The following CCDC15 variants were observed in gnomAD, a reference collection of about 807,000 sequenced individuals.
CCDC15 encodes the protein coiled-coil domain containing 15, also known as coiled-coil domain-containing protein 15.
In CCDC15, 105 loss-of-function variants were observed where a neutral mutation model predicts 114.5. The observed-to-expected ratio is 0.92, with a 90% confidence interval of 0.78 to 1.08. The LOEUF (loss-of-function observed/expected upper bound fraction) is 1.08. CCDC15 is among the 50% of genes least tolerant of loss of function. The pLI, the probability that CCDC15 is intolerant of heterozygous loss-of-function variation, is 0.00. For synonymous variants in CCDC15, 334 were observed against 377.8 expected (o/e 0.88, Z 1.34); for missense variants, 1,105 against 1,093.6 (o/e 1.01, Z -0.15).
At chr11:125,027,586 A>G (rs987085270) in intron 13 of CCDC15, among the ~76,000 whole-genome samples, 1 of 147,152 alleles carries the variant, frequency 6.8e-6, no homozygotes, top group African/African-American at 2.5e-5. Flanking sequence ...TGATGGGATT[A>G]TTTGTTTTTT....
intron 4 of CCDC15, among the ~76,000 whole-genome samples, chr11:124,972,661 C>T (rs1947905594): frequency 1.3e-5 from 2 of 152,168 alleles, no homozygotes; most frequent in African/African-American, 2.4e-5. Flanking sequence ...CCAGAATCCA[C>T]TTCACTAAAC....
At chr11:125,025,045 A>AAT (rs369930609) in intron 13 of CCDC15, among the ~76,000 whole-genome samples, 76 of 103,140 alleles carry the variant, frequency 7.4e-4, no homozygotes, top group South Asian at 2.2e-3. Flanking sequence ...AATACATATG[A>AAT]ATATATATGA....
chr11:125,021,681 T>C (rs1948661339), intron 13 of CCDC15, among the ~76,000 whole-genome samples: 1 of 151,486 alleles, frequency 6.6e-6, no homozygotes, highest in African/African-American at 2.4e-5. Context: ...AAGAGAGGAG[T>C]ATCTGTGAGG....
intron 4 of CCDC15, among the ~76,000 whole-genome samples, chr11:124,969,639 G>A (rs1947847147): frequency 6.6e-6 from 1 of 151,926 alleles, no homozygotes; most frequent in African/African-American, 2.4e-5. Context: ...ATTACTTTTT[G>A]TAGTAAAGCT....
In CCDC15 at chr11:124,988,127, A is replaced by G. The variant is rs201316378; in HGVS notation, c.1901A>G (p.Lys634Arg). 7.8e-4 allele frequency: 1,260 copies of G among 1,610,558 alleles called. No homozygotes were observed. The highest frequency in any genetic ancestry group is 9.6e-4 in the Non-Finnish European group (1,137 of 1,178,630). ...TGTCAGGACCAAGATTTTCTACCAA[A>G]ATATCAGGTAAAATAGAGCAGAAAG... Reference protein sequence around the residue: ...PKCQDQDFLPKYQKVHFKEPY... With the variant: ...PKCQDQDFLPRYQKVHFKEPY... The change falls in exon 8 of 16, where the codon AAA (lysine) becomes AGA (arginine). Residue 634 changes from lysine (K) to arginine (R), a missense_variant. Coordinates refer to ENST00000344762, the MANE Select transcript of CCDC15 (RefSeq NM_025004.3).
chr11:124,954,841 G>C lies in CCDC15; in HGVS notation c.109G>C (p.Glu37Gln), dbSNP rs150869063. ...DVLAVLAERN[E>Q]AIVPVGAWVE... ...GTTGGCAGTGCTGGCTGAGAGGAACGAGGCTATAGTACCAGTTGGGGCATG... is the reference window on the plus strand; with the variant it reads ...GTTGGCAGTGCTGGCTGAGAGGAACCAGGCTATAGTACCAGTTGGGGCATG... The change falls in exon 2 of 16, where the codon GAG becomes CAG. Residue 37 changes from glutamate (E) to glutamine (Q), a missense_variant. Coordinates refer to ENST00000344762, the MANE Select transcript of CCDC15 (RefSeq NM_025004.3). 1.9e-6 allele frequency: 3 copies of C among 1,613,938 alleles called. No homozygotes were observed. The highest frequency in any genetic ancestry group is 2.5e-6 in the Non-Finnish European group (3 of 1,179,898).
chr11:125,027,509 A>T (rs1202573810), intron 13 of CCDC15, among the ~76,000 whole-genome samples: 7 of 151,638 alleles, frequency 4.6e-5, no homozygotes, highest in Non-Finnish European at 1.0e-4. Flanking sequence ...GCATTTTTTC[A>T]TATGTTTGTT....
In CCDC15 at chr11:124,991,569, G is replaced by T; in HGVS notation, c.2017G>T (p.Asp673Tyr). 6.2e-7 allele frequency: 1 copy of T among 1,605,524 alleles called. No homozygotes were observed. The highest frequency in any genetic ancestry group is 8.5e-7 in the Non-Finnish European group (1 of 1,175,332). The change falls in exon 9 of 16, where the codon GAC (aspartate) becomes TAC (tyrosine). Residue 673 changes from aspartate (D) to tyrosine (Y), a missense_variant. Transcript: ENST00000344762. ...GCCTCCCAAATCCCAGGACCAGGAT[G>T]ACATCAAAAATCAGGTAGAGTAGAA... Reference protein sequence around the residue: ...CLPPKSQDQDDIKNQQPASFM... With the variant: ...CLPPKSQDQDYIKNQQPASFM...
At chr11:125,005,746 T>G (rs548184937) in intron 13 of CCDC15, among the ~76,000 whole-genome samples, 1 of 152,308 alleles carries the variant, frequency 6.6e-6, no homozygotes, top group East Asian at 1.9e-4. Flanking sequence ...TGGTAACCAC[T>G]GAACTCTCTA....
chr11:124,963,724 G>A (rs1375933736), intron 4 of CCDC15, among the ~76,000 whole-genome samples: 3 of 152,280 alleles, frequency 2.0e-5, no homozygotes, highest in South Asian at 2.1e-4. Flanking sequence ...GCCCATGCCT[G>A]TGTCCTGAAT....
chr11:125,021,723 T>C (rs1165259261), intron 13 of CCDC15, among the ~76,000 whole-genome samples: 1 of 151,850 alleles, frequency 6.6e-6, no homozygotes, highest in Non-Finnish European at 1.5e-5. Context: ...GGGACGGGGC[T>C]GACTCCGTCT....
At chr11:124,966,262 T>A (rs952380092) in intron 4 of CCDC15, among the ~76,000 whole-genome samples, 1 of 152,178 alleles carries the variant, frequency 6.6e-6, no homozygotes, top group Non-Finnish European at 1.5e-5. Context: ...CCCATTATTA[T>A]TGTGTGGGAG....
At chr11:124,973,699 C>T (rs1947924469) in intron 4 of CCDC15, among the ~76,000 whole-genome samples, 1 of 152,062 alleles carries the variant, frequency 6.6e-6, no homozygotes, top group South Asian at 2.1e-4. Flanking sequence ...TCTTGGCTCA[C>T]TGCAGCCTTG....
intron 12 of CCDC15, among the ~76,000 whole-genome samples, chr11:125,004,870 C>T (rs1378490578): frequency 1.3e-5 from 2 of 152,048 alleles, no homozygotes; most frequent in East Asian, 3.9e-4. Context: ...AGAGTAAATA[C>T]TTTCTCTGGT....
At chr11:124,983,778 G>A (rs1411205504) in intron 6 of CCDC15, among the ~76,000 whole-genome samples, 7 of 152,206 alleles carry the variant, frequency 4.6e-5, no homozygotes, top group African/African-American at 7.2e-5. Flanking sequence ...CAGTGGCAGC[G>A]TGGCAGGGTA....
rs138568695 is a variant in CCDC15, at chr11:125,009,851, T to C, written c.2411+4639T>C. Among the ~76,000 whole-genome samples, 10 of 152,346 alleles carry C rather than the reference T, an allele frequency of 6.6e-5. No individual in the cohort carries two copies. In the East Asian group the frequency reaches 1.9e-3, roughly 29 times the overall value. On this transcript the variant is annotated intron_variant, in intron 13 of 15. Transcript: ENST00000344762. ...ACATGATTTCATTCTTTTATATGGT[T>C]GCATAGTCTTCTATGGTGTATACAT...
At chr11:124,958,245 G>C (rs1947583137) in intron 2 of CCDC15, among the ~76,000 whole-genome samples, 1 of 152,180 alleles carries the variant, frequency 6.6e-6, no homozygotes, top group African/African-American at 2.4e-5. Context: ...AAGTGTTCCA[G>C]ATTGTTCAGA....
chr11:125,034,327 T>C (rs1173021295), intron 13 of CCDC15, among the ~76,000 whole-genome samples: 2 of 152,186 alleles, frequency 1.3e-5, no homozygotes, highest in African/African-American at 2.4e-5. Flanking sequence ...TCTTTTCCAA[T>C]CAATGCCCTC....
chr11:125,010,810 A>T (rs1948585768), intron 13 of CCDC15, among the ~76,000 whole-genome samples: 1 of 152,114 alleles, frequency 6.6e-6, no homozygotes, highest in African/African-American at 2.4e-5. Context: ...AGTCCCATTT[A>T]TCAATTTTTG....
Sources: allele counts gnomAD v4.1 joint callset (sites outside exome capture counted in the v4.1 genomes callset), GRCh38; gene constraint gnomAD v4.1.1; transcripts MANE v1.5; gene names NCBI Gene and HGNC (gene_info 2026-07-23, HGNC 2026-07-21).